STRBP: variants seen among roughly 807,000 people sequenced by gnomAD.
STRBP encodes the protein spermatid perinuclear RNA-binding protein.
In STRBP, 13 loss-of-function variants were observed where a neutral mutation model predicts 80.1. That is an observed-to-expected ratio of 0.16 (90% CI 0.11 to 0.26). The LOEUF (loss-of-function observed/expected upper bound fraction) is 0.26. Ranked by LOEUF, STRBP falls within the 10% of genes least tolerant of loss-of-function variation. STRBP has a pLI of 1.00. For missense variants in STRBP, 485 were observed against 815.2 expected, an observed-to-expected ratio of 0.59 and a Z score of 4.93; for synonymous variants, 284 against 291.2, an observed-to-expected ratio of 0.98 and a Z score of 0.25.
intron 6 of STRBP, among the ~76,000 whole-genome samples, chr9:123,168,794 G>C (rs1303106409): frequency 6.6e-6 from 1 of 152,172 alleles, no homozygotes; most frequent in East Asian, 1.9e-4. Flanking sequence ...TAGGGAATGA[G>C]AGGCAGAAAC....
intron 11 of STRBP, among the ~76,000 whole-genome samples, chr9:123,154,931 G>A (rs527826817): frequency 6.6e-6 from 1 of 152,200 alleles, no homozygotes; most frequent in Admixed American, 6.5e-5. Context: ...CTTTCAGATG[G>A]GAGATACTGC....
At chr9:123,155,856 C>T (rs190994366) in intron 11 of STRBP, among the ~76,000 whole-genome samples, 13 of 151,294 alleles carry the variant, frequency 8.6e-5, no homozygotes, top group Admixed American at 5.9e-4. Context: ...GAGAATAACA[C>T]GAATAAAGTT....
rs746530085 is a variant in STRBP at position 123,160,960 on chromosome 9, A to G, written c.627+17T>C. Reference sequence around the variant, plus strand: ...GGACAAACTTTAATAACAATAAGATAGTAAGAAAAAGCCAACCTGAAACCA... The same window carrying G: ...GGACAAACTTTAATAACAATAAGATGGTAAGAAAAAGCCAACCTGAAACCA... On this transcript the variant is annotated intron_variant, in intron 7 of 18. Transcript: ENST00000348403. The G allele has an allele frequency of 1.9e-6, 3 of 1,574,508 alleles. No homozygotes were observed. Among genetic ancestry groups the G allele is most frequent in the African/African-American group, 2.8e-5 (2 of 71,902 alleles).
At chr9:123,182,253 A>C (rs1260998267) in intron 3 of STRBP, among the ~76,000 whole-genome samples, 4 of 150,138 alleles carry the variant, frequency 2.7e-5, no homozygotes, top group Non-Finnish European at 5.9e-5. Context: ...AAAAAAGACA[A>C]AAAATTAAAT....
Position 123,122,860 on chromosome 9 carries a change from T to TG in STRBP, c.*2736dup. 1 of 985,738 alleles carries TG rather than the reference T, an allele frequency of 1.0e-6. No homozygotes were observed. The highest frequency in any genetic ancestry group is 1.2e-6 in the Non-Finnish European group (1 of 830,152). 61.1% of individuals were successfully genotyped at this position (985,738 alleles called of 1,614,324 possible). ...CACACGCTAATTTTAAGCTCTACAC[T>TG]GACCTGTAAACTCCCTGACAAGAAA... On this transcript the variant is annotated 3_prime_UTR_variant, in exon 19 of 19. Coordinates refer to ENST00000348403, the MANE Select transcript of STRBP (RefSeq NM_018387.5).
chr9:123,239,380 CA>C (rs1243504131), intron 1 of STRBP, among the ~76,000 whole-genome samples: 30 of 143,238 alleles, frequency 2.1e-4, no homozygotes, highest in Middle Eastern at 3.5e-3. Flanking sequence ...GTCTCAAAAA[CA>C]AAAAAAAAAA....
At chr9:123,125,786 G>T in intron 18 of STRBP, 113 bp from the exon 19 acceptor site, 1 of 762,998 alleles carries the variant, frequency 1.3e-6, no homozygotes, top group Non-Finnish European at 2.1e-6. Context: ...AGATCAGTCA[G>T]TCAACATGTA....
intron 18 of STRBP, among the ~76,000 whole-genome samples, chr9:123,127,316 G>A (rs908395896): frequency 2.6e-5 from 4 of 152,150 alleles, no homozygotes; most frequent in Admixed American, 2.0e-4. Flanking sequence ...TCATGTAGAG[G>A]ACTAATGCCA....
At chr9:123,193,936 G>C (rs568106103) in intron 2 of STRBP, among the ~76,000 whole-genome samples, 136 of 152,182 alleles carry the variant, frequency 8.9e-4, no homozygotes, top group Admixed American at 3.2e-3. Context: ...ATGACCATTA[G>C]CCTCAAAAGG....
chr9:123,248,437 TTTA>T (rs1396745451), intron 1 of STRBP, among the ~76,000 whole-genome samples: 7 of 151,904 alleles, frequency 4.6e-5, no homozygotes, highest in African/African-American at 1.5e-4. Context: ...CCAGATTTTT[TTTA>T]TTATTATTTT....
chr9:123,121,061 C>T (rs1042047729), downstream of STRBP, among the ~76,000 whole-genome samples: 1 of 152,138 alleles, frequency 6.6e-6, no homozygotes, highest in Admixed American at 6.5e-5. Context: ...CACTTGTACC[C>T]AGAAGAGGAC....
In STRBP at chr9:123,124,662, G is replaced by A. The variant is rs2035828616; in HGVS notation, c.*935C>T. ...ATCTGCATGAAAAAAGCCAGGGAGT[G>A]AACACAATATCTTACAGAGTGAAGA... On this transcript the variant is annotated 3_prime_UTR_variant, in exon 19 of 19. Transcript: ENST00000348403. The A allele has an allele frequency of 2.0e-6, 2 of 985,312 alleles. No homozygotes were observed. Among genetic ancestry groups the A allele is most frequent in the Admixed American group, 6.1e-5 (1 of 16,264 alleles). 61.0% of individuals were successfully genotyped at this position (985,312 alleles called of 1,614,324 possible).
chr9:123,246,643 C>T (rs1274771309), intron 1 of STRBP, among the ~76,000 whole-genome samples: 4 of 152,148 alleles, frequency 2.6e-5, no homozygotes, highest in African/African-American at 9.7e-5. Context: ...TTGCTTAAAA[C>T]ATTAAAGTGA....
chr9:123,148,254 T>C (rs912292646), intron 11 of STRBP, among the ~76,000 whole-genome samples: 2 of 152,120 alleles, frequency 1.3e-5, no homozygotes, highest in Admixed American at 6.5e-5. Context: ...TTATCAATTA[T>C]AAAAGATGCC....
intron 1 of STRBP, among the ~76,000 whole-genome samples, chr9:123,261,626 T>C (rs2041163123): frequency 6.6e-6 from 1 of 152,222 alleles, no homozygotes; most frequent in Non-Finnish European, 1.5e-5. Flanking sequence ...GTACTTATTT[T>C]TAAGATACCG....
intron 2 of STRBP, among the ~76,000 whole-genome samples, chr9:123,206,437 C>G (rs1272803213): frequency 6.6e-6 from 1 of 152,076 alleles, no homozygotes; most frequent in Non-Finnish European, 1.5e-5. Context: ...TACCAAACTA[C>G]TTACAGATGA....
intron 2 of STRBP, among the ~76,000 whole-genome samples, chr9:123,214,507 T>G (rs2039826337): frequency 6.6e-6 from 1 of 152,126 alleles, no homozygotes; most frequent in African/African-American, 2.4e-5. Context: ...TAAAAATTTT[T>G]TATTAAAAAT....
intron 2 of STRBP, among the ~76,000 whole-genome samples, chr9:123,187,180 G>A (rs1164304489): frequency 6.6e-6 from 1 of 151,404 alleles, no homozygotes; most frequent in Non-Finnish European, 1.5e-5. Flanking sequence ...AAACAGTAGA[G>A]CCAAGATTCA....
chr9:123,182,217 T>TAAAAAAAAAAAAAAAA (rs10546358), intron 3 of STRBP, among the ~76,000 whole-genome samples: 2 of 69,798 alleles, frequency 2.9e-5, no homozygotes, highest in African/African-American at 3.9e-5. Flanking sequence ...TCCGTTTCTT[T>TAAAAAAAAAAAAAAAA]AAAAAAAAAA....
Sources: gnomAD v4.1 joint callset for allele counts (sites outside exome capture counted in the v4.1 genomes callset) on GRCh38, gnomAD v4.1.1 for gene constraint, MANE v1.5 for transcripts, NCBI Gene and HGNC (gene_info 2026-07-23, HGNC 2026-07-21) for gene names.